The following DYNC2I1 variants were observed in gnomAD, a reference collection of about 807,000 sequenced individuals.
The protein encoded by DYNC2I1 is dynein 2 intermediate chain 1.
A neutral mutation model predicts 133.4 loss-of-function variants in DYNC2I1; 89 were observed. The observed-to-expected ratio is 0.67, with a 90% confidence interval of 0.56 to 0.80. The LOEUF (loss-of-function observed/expected upper bound fraction) is 0.80. Ranked by LOEUF, DYNC2I1 falls within the 30% of genes least tolerant of loss-of-function variation. The pLI, the probability that DYNC2I1 is intolerant of heterozygous loss-of-function variation, is 0.00. For missense variants in DYNC2I1, 1,291 were observed against 1,314.5 expected, an observed-to-expected ratio of 0.98 and a Z score of 0.28; for synonymous variants, 504 against 484.3, an observed-to-expected ratio of 1.04 and a Z score of -0.54.
intron 21 of DYNC2I1, among the ~76,000 whole-genome samples, chr7:158,931,125 G>C (rs1850175654): frequency 6.6e-6 from 1 of 152,072 alleles, no homozygotes; most frequent in Admixed American, 6.5e-5. Flanking sequence ...AAAGTTTCAG[G>C]AACCAGAAAC....
chr7:158,847,128 G>A, the DYNC2I1 span, among the ~76,000 whole-genome samples: 14 of 152,218 alleles, frequency 9.2e-5, no homozygotes, highest in South Asian at 1.7e-3. Flanking sequence ...GTAATATTTC[G>A]TAAGATTAAT....
intron 1 of DYNC2I1, among the ~76,000 whole-genome samples, chr7:158,867,480 G>A (rs971040983): frequency 3.3e-5 from 5 of 152,338 alleles, no homozygotes; most frequent in South Asian, 2.1e-4. Context: ...AGACCAGCGC[G>A]GATCTTGTAG....
intron 1 of DYNC2I1, among the ~76,000 whole-genome samples, chr7:158,866,824 G>T (rs1357227230): frequency 6.6e-6 from 1 of 151,856 alleles, no homozygotes; most frequent in Non-Finnish European, 1.5e-5. Flanking sequence ...AGTGGAGGTT[G>T]CAGTGAGCTG....
intron 14 of DYNC2I1, among the ~76,000 whole-genome samples, chr7:158,917,520 CCTCTCACTAAACACCTCCTGT>C (rs2129485938): frequency 2.5e-5 from 3 of 119,402 alleles, no homozygotes; most frequent in African/African-American, 7.2e-5. Context: ...CCACCCTCTG[CCTCTCACTAAACACCTCCTGT>C]CCTCCACACT....
intron 14 of DYNC2I1, among the ~76,000 whole-genome samples, chr7:158,918,100 C>T (rs932846617): frequency 3.3e-5 from 5 of 152,146 alleles, no homozygotes; most frequent in African/African-American, 1.2e-4. Context: ...TATTCCCGGC[C>T]GTCCTGACCC....
chr7:158,910,035 CTGTGCATTCAT>C (rs1465278437), intron 11 of DYNC2I1, among the ~76,000 whole-genome samples: 1 of 152,178 alleles, frequency 6.6e-6, no homozygotes, highest in Non-Finnish European at 1.5e-5. Context: ...CGGTCATTCA[CTGTGCATTCAT>C]TGAGCACCGG....
intron 1 of DYNC2I1, among the ~76,000 whole-genome samples, chr7:158,866,112 G>A (rs1842381229): frequency 6.6e-6 from 1 of 151,438 alleles, no homozygotes; most frequent in African/African-American, 2.4e-5. Context: ...TAACCATTAA[G>A]AAACCCCACT....
At chr7:158,927,138 C>A in intron 20 of DYNC2I1, 95 bp downstream of exon 20, 1 of 843,234 alleles carries the variant, frequency 1.2e-6, no homozygotes, top group Non-Finnish European at 1.9e-6. Flanking sequence ...TGGCTCACAC[C>A]TGCTGGGAGC....
chr7:158,911,610 C>G lies in DYNC2I1; in HGVS notation c.1521C>G (p.Leu507=), dbSNP rs750885354. The change falls in exon 12 of 25, where the codon CTC becomes CTG. Residue 507 remains leucine, a synonymous_variant. Transcript: ENST00000407559. The part of the protein sequence containing the change: ...IDLDFSFTFS[L]LDLPPVNEYD... Reference sequence around the variant, plus strand: ...TAGATTTTTCATTTACTTTCTCTCTCTTGGATCTACCACCAGTAAATGAAT... The same window carrying G: ...TAGATTTTTCATTTACTTTCTCTCTGTTGGATCTACCACCAGTAAATGAAT... 5.6e-6 allele frequency: 9 copies of G among 1,613,504 alleles called. No homozygotes were observed. Among genetic ancestry groups the G allele is most frequent in the Admixed American group, 1.7e-5 (1 of 59,976 alleles).
intron 3 of DYNC2I1, among the ~76,000 whole-genome samples, chr7:158,874,164 A>G (rs567272214): frequency 6.6e-6 from 1 of 151,914 alleles, no homozygotes. Flanking sequence ...TGACCTCCCA[A>G]AGTGCTAGGA....
downstream of DYNC2I1, among the ~76,000 whole-genome samples, chr7:158,950,480 A>G (rs1242524315): frequency 2.0e-5 from 2 of 97,736 alleles, no homozygotes; most frequent in Admixed American, 1.1e-4. Context: ...CAGGTGTTCT[A>G]TATGATTCCA....
chr7:158,888,970 A>G (rs1329821321), intron 7 of DYNC2I1, among the ~76,000 whole-genome samples: 2 of 151,774 alleles, frequency 1.3e-5, no homozygotes, highest in African/African-American at 2.4e-5. Flanking sequence ...ATTTCTTCTC[A>G]TATAATCTTT....
At chr7:158,904,192 C>G (rs1846530444) in intron 10 of DYNC2I1, 1 of 152,252 alleles carries the variant, frequency 6.6e-6, no homozygotes, top group Non-Finnish European at 1.5e-5. Context: ...CCTCATTTTC[C>G]TTAACTGTGA....
rs1303190336 is a variant in DYNC2I1 at position 158,939,329 on chromosome 7, C to G, written c.2779-2596C>G. Among the ~76,000 whole-genome samples the G allele has an allele frequency of 2.6e-5, 4 of 152,064 alleles. No homozygotes were observed. The South Asian group carries it at 8.3e-4, about 32-fold the overall frequency. On this transcript the variant is annotated intron_variant, in intron 23 of 24. Transcript: ENST00000407559. ...TGCCCATGCCCACCTGTAGTCCCAGCTAGCTACTTGGGAGGCTGATGAGGG... is the reference window on the plus strand; with the variant it reads ...TGCCCATGCCCACCTGTAGTCCCAGGTAGCTACTTGGGAGGCTGATGAGGG...
intron 1 of DYNC2I1, among the ~76,000 whole-genome samples, chr7:158,863,413 G>A (rs534735525): frequency 2.0e-5 from 3 of 152,144 alleles, no homozygotes; most frequent in African/African-American, 7.2e-5. Flanking sequence ...AAGCCCAGGA[G>A]GCTTCACCTC....
downstream of DYNC2I1, among the ~76,000 whole-genome samples, chr7:158,948,971 G>T (rs138873742): frequency 6.6e-6 from 1 of 152,184 alleles, no homozygotes; most frequent in Admixed American, 6.5e-5. Flanking sequence ...GGAAGGTTCC[G>T]CTAATCTCGG....
At chr7:158,887,130 A>C in intron 7 of DYNC2I1, 55 bp downstream of exon 7, 1 of 1,559,550 alleles carries the variant, frequency 6.4e-7, no homozygotes, top group East Asian at 2.2e-5. Flanking sequence ...GAGATTAACC[A>C]TAATCTTACT....
chr7:158,917,255 A>G (rs368199596), intron 14 of DYNC2I1, among the ~76,000 whole-genome samples: 2 of 120,664 alleles, frequency 1.7e-5, no homozygotes, highest in East Asian at 2.0e-4. Context: ...GCTCGTTGAC[A>G]TTAAGGATGA....
the DYNC2I1 span, among the ~76,000 whole-genome samples, chr7:158,845,031 A>C: frequency 1.3e-5 from 2 of 152,162 alleles, no homozygotes; most frequent in South Asian, 4.1e-4. Context: ...CCTCTTGGCC[A>C]AGGGCATTCC....
Sources: gnomAD v4.1 joint callset for allele counts (sites outside exome capture counted in the v4.1 genomes callset) on GRCh38, gnomAD v4.1.1 for gene constraint, MANE v1.5 for transcripts, NCBI Gene and HGNC (gene_info 2026-07-23, HGNC 2026-07-21) for gene names.